The following NFIB variants were observed in gnomAD, a reference collection of about 807,000 sequenced individuals.
The protein encoded by NFIB is nuclear factor 1 B-type.
A neutral mutation model predicts 61.5 loss-of-function variants in NFIB; 11 were observed. The observed-to-expected ratio is 0.18, with a 90% CI of 0.11 to 0.30. The LOEUF is 0.30. Among genes scored for constraint, NFIB ranks in the 10% least tolerant of loss-of-function variants. NFIB has a pLI of 1.00. For synonymous variants in NFIB, 260 were observed against 216.5 expected, an observed-to-expected ratio of 1.20 and a Z score of -1.76; for missense variants, 471 against 608.9, an observed-to-expected ratio of 0.77 and a Z score of 2.38.
chr9:14,230,140 G>C (rs1451176665), intron 2 of NFIB, among the ~76,000 whole-genome samples: 1 of 152,134 alleles, frequency 6.6e-6, no homozygotes, highest in Non-Finnish European at 1.5e-5. Context: ...GTATTTTTAA[G>C]ACAGTATAAA....
chr9:14,377,947 T>C (rs558138074), intron 1 of NFIB, among the ~76,000 whole-genome samples: 3 of 152,298 alleles, frequency 2.0e-5, no homozygotes, highest in African/African-American at 7.2e-5. Flanking sequence ...CTCAAAGTGG[T>C]CCCAGTTTGG....
chr9:14,507,827 G>A, the NFIB span, among the ~76,000 whole-genome samples: 1 of 152,060 alleles, frequency 6.6e-6, no homozygotes, highest in African/African-American at 2.4e-5. Flanking sequence ...TGATTTTCCT[G>A]AGGCTGAGTG....
chr9:14,218,461 CTT>C (rs1185926941), intron 2 of NFIB, among the ~76,000 whole-genome samples: 7 of 152,116 alleles, frequency 4.6e-5, no homozygotes, highest in African/African-American at 1.7e-4. Context: ...TTGAAAAAGA[CTT>C]TGCATACAGT....
chr9:14,139,938 T>C (rs2382438), intron 6 of NFIB, among the ~76,000 whole-genome samples: 46,032 of 152,048 alleles, frequency 0.3, 9,514 homozygotes, highest in African/African-American at 0.58. Context: ...TACCTAGAAA[T>C]TCACTTAGAG....
chr9:14,194,552 G>A (rs1409387821), intron 2 of NFIB, among the ~76,000 whole-genome samples: 1 of 151,926 alleles, frequency 6.6e-6, no homozygotes, highest in Non-Finnish European at 1.5e-5. Flanking sequence ...CTAAGTTACA[G>A]TCAAAAAAGA....
intron 1 of NFIB, among the ~76,000 whole-genome samples, chr9:14,367,295 G>A (rs551858989): frequency 1.3e-5 from 2 of 152,004 alleles, no homozygotes; most frequent in Non-Finnish European, 2.9e-5. Context: ...TCTTGTGTGG[G>A]TACAAAGACT....
At chr9:14,446,340 T>A in the NFIB span, among the ~76,000 whole-genome samples, 1 of 152,244 alleles carries the variant, frequency 6.6e-6, no homozygotes, top group Admixed American at 6.5e-5. Flanking sequence ...TCTGCTTAAT[T>A]CCCCTTGTCT....
chr9:14,315,332 C>T (rs2060491197), upstream of NFIB, among the ~76,000 whole-genome samples: 1 of 151,008 alleles, frequency 6.6e-6, no homozygotes, highest in African/African-American at 2.4e-5. Context: ...TGGCCTCGCT[C>T]TGAGCGGGAG....
chr9:14,247,228 G>GACT (rs1239033831), intron 2 of NFIB, among the ~76,000 whole-genome samples: 2 of 152,206 alleles, frequency 1.3e-5, no homozygotes, highest in African/African-American at 4.8e-5. Context: ...AACTTGAACA[G>GACT]TCCACAATTA....
the NFIB span, among the ~76,000 whole-genome samples, chr9:14,423,947 G>A: frequency 2.0e-5 from 3 of 151,996 alleles, no homozygotes; most frequent in South Asian, 4.1e-4. Flanking sequence ...AACCCGGGTC[G>A]GCATGCATCT....
chr9:14,291,459 T>A (rs2059094946), intron 2 of NFIB, among the ~76,000 whole-genome samples: 1 of 152,224 alleles, frequency 6.6e-6, no homozygotes, highest in South Asian at 2.1e-4. Context: ...CACTCCAGTC[T>A]GGGCGACAGA....
At chr9:14,437,842 T>C in the NFIB span, among the ~76,000 whole-genome samples, 12 of 152,230 alleles carry the variant, frequency 7.9e-5, no homozygotes, top group Non-Finnish European at 1.8e-4. Context: ...GATCCATCAC[T>C]GGGCTGGAGG....
chr9:14,199,337 C>T (rs2048774883), intron 2 of NFIB, among the ~76,000 whole-genome samples: 1 of 152,174 alleles, frequency 6.6e-6, no homozygotes, highest in Admixed American at 6.5e-5. Flanking sequence ...GGGTGAACCA[C>T]CTCATCCCTG....
chr9:14,468,670 T>G, the NFIB span, among the ~76,000 whole-genome samples: 2 of 152,214 alleles, frequency 1.3e-5, no homozygotes, highest in Admixed American at 6.5e-5. Context: ...AGGAACTGGA[T>G]AGAAAACTGG....
At chr9:14,129,401 A>G (rs2040115316) in intron 6 of NFIB, among the ~76,000 whole-genome samples, 2 of 150,678 alleles carry the variant, frequency 1.3e-5, no homozygotes, top group Admixed American at 1.3e-4. Flanking sequence ...AAAAAAAAAA[A>G]GACAAAAAAA....
chr9:14,241,530 G>T (rs1367295865), intron 2 of NFIB, among the ~76,000 whole-genome samples: 1 of 151,796 alleles, frequency 6.6e-6, no homozygotes, highest in Admixed American at 6.6e-5. Context: ...AACAGATATT[G>T]TCATCTTAAG....
chr9:14,437,508 G>C, the NFIB span, among the ~76,000 whole-genome samples: 7 of 152,236 alleles, frequency 4.6e-5, no homozygotes, highest in African/African-American at 1.7e-4. Context: ...CCCTTCCAGA[G>C]TTTTAAAAGT....
At chr9:14,529,603 A>G in the NFIB span, among the ~76,000 whole-genome samples, 5 of 152,194 alleles carry the variant, frequency 3.3e-5, no homozygotes, top group African/African-American at 1.2e-4. Flanking sequence ...ATGTATTACT[A>G]AAGATAAGCA....
At chr9:14,424,516 C>G in the NFIB span, among the ~76,000 whole-genome samples, 1 of 152,160 alleles carries the variant, frequency 6.6e-6, no homozygotes, top group Non-Finnish European at 1.5e-5. Flanking sequence ...CCAGTTTACG[C>G]GGGGCGACCT....
Sources: allele counts gnomAD v4.1 joint callset (sites outside exome capture counted in the v4.1 genomes callset), GRCh38; gene constraint gnomAD v4.1.1; transcripts MANE v1.5; gene names NCBI Gene and HGNC (gene_info 2026-07-23, HGNC 2026-07-21).